ATRIP: variants seen among roughly 807,000 people sequenced by gnomAD.
ATRIP encodes ATR-interacting protein.
Under a neutral mutation model 78.1 loss-of-function variants are expected in ATRIP, and 44 were observed. The ratio of observed to expected loss-of-function variants is 0.56; its 90% CI spans 0.44 to 0.72. ATRIP has a LOEUF of 0.72. Among genes scored for constraint, ATRIP ranks in the 30% least tolerant of loss-of-function variants. The pLI is 0.00. For missense variants in ATRIP, 927 were observed against 980.2 expected (o/e 0.95, Z 0.72); for synonymous variants, 388 against 408.9 (o/e 0.95, Z 0.62).
intron 8 of ATRIP, among the ~76,000 whole-genome samples, chr3:48,462,660 G>A (rs1281526613): frequency 6.6e-6 from 1 of 151,934 alleles, no homozygotes; most frequent in Non-Finnish European, 1.5e-5. Flanking sequence ...CTGAGTTTGC[G>A]CCACTGCACT....
Position 48,461,207 on chromosome 3 carries a change from C to T in ATRIP, c.1745+408C>T, listed in dbSNP as rs747654. 0.046 allele frequency among the ~76,000 whole-genome samples: 6,942 copies of T among 152,250 alleles called. 1,240 individuals carry two copies. The East Asian group carries it at 0.55, about 12-fold the overall frequency. On this transcript the variant is annotated intron_variant, in intron 8 of 12. Transcript: ENST00000320211. ...GGATGTGGAGAGGGTCTGCAGCCCA[C>T]GGGCTGACCTTGCTGGGAGTCTCTG... is the stretch of plus-strand genomic sequence containing the variant.
chr3:48,455,900 C>T (rs2039944062), intron 4 of ATRIP, among the ~76,000 whole-genome samples: 1 of 151,970 alleles, frequency 6.6e-6, no homozygotes, highest in Non-Finnish European at 1.5e-5. Flanking sequence ...GCGGGCAGAT[C>T]ACTTGAGGTC....
intron 8 of ATRIP, among the ~76,000 whole-genome samples, chr3:48,461,148 C>G (rs111677957): frequency 6.6e-6 from 1 of 152,156 alleles, no homozygotes; most frequent in African/African-American, 2.4e-5. Context: ...ATCACAAGCA[C>G]GTTGAAGTTT....
rs770193197 is a variant in ATRIP, at chr3:48,466,711, TGGAG to T, written c.*1159_*1162del. 1 of 1,614,058 alleles carries T rather than the reference TGGAG, an allele frequency of 6.2e-7. No individual in the cohort carries two copies. Among genetic ancestry groups the T allele is most frequent in the Admixed American group, 1.7e-5 (1 of 60,020 alleles). On this transcript the variant is annotated 3_prime_UTR_variant, in exon 13 of 13. Coordinates refer to ENST00000320211, the MANE Select transcript of ATRIP (RefSeq NM_130384.3). Reference sequence around the variant, plus strand: ...ATGCAGACCCTCATCTTTTTCGACATGGAGGCCACTGGCTTGCCCTTCTCCCAGC... The same window carrying T: ...ATGCAGACCCTCATCTTTTTCGACATGCCACTGGCTTGCCCTTCTCCCAGC...
rs576033124 is a variant in ATRIP, at chr3:48,467,082, C to G, written c.*1528C>G. 1.9e-6 allele frequency: 3 copies of G among 1,614,008 alleles called. No individual in the cohort carries two copies. In the East Asian group the frequency reaches 6.7e-5, roughly 36 times the overall value. On this transcript the variant is annotated 3_prime_UTR_variant, in exon 13 of 13. Coordinates refer to ENST00000320211, the MANE Select transcript of ATRIP (RefSeq NM_130384.3). ...CCAAGCAGAGCTGGCTATGCTGGGC[C>G]TCACCAGTGCTCTGGATGGTGCCTT... is the stretch of plus-strand genomic sequence containing the variant.
chr3:48,448,543 TCCTTAACATGG>T (rs1030374344), intron 1 of ATRIP, among the ~76,000 whole-genome samples: 1 of 152,218 alleles, frequency 6.6e-6, no homozygotes, highest in Non-Finnish European at 1.5e-5. Context: ...AAGACCAGAA[TCCTTAACATGG>T]CCTGAAAGGC....
chr3:48,447,040 C>CAAGTGTAGAT lies in ATRIP; in HGVS notation c.195_196insAAGTGTAGAT (p.Leu66LysfsTer22). 6.3e-7 allele frequency: 1 copy of CAAGTGTAGAT among 1,578,448 alleles called. No individual in the cohort carries two copies. The highest frequency in any genetic ancestry group is 1.4e-5 in the African/African-American group (1 of 71,682). ...CCGACGACCTGGAGGAGCTTGACAC[C>CAAGTGTAGAT]CTCGCGTCACAGGCCCTGAGCCAAT... On this transcript the variant is annotated frameshift_variant, in exon 1 of 13. Coordinates refer to ENST00000320211, the MANE Select transcript of ATRIP (RefSeq NM_130384.3). LOFTEE classifies it high-confidence loss of function.
Position 48,460,143 on chromosome 3 carries a change from A to C in ATRIP, c.1089A>C (p.Thr363=), listed in dbSNP as rs765816483. ...CTGGAATGTCAGGCCTCAGGACCACAGGTTCTTATGATGGGTCATTTTCCC... is the reference window on the plus strand; with the variant it reads ...CTGGAATGTCAGGCCTCAGGACCACCGGTTCTTATGATGGGTCATTTTCCC... The part of the protein sequence containing the change: ...TLAGMSGLRT[T]GSYDGSFSLS... Residue 363 remains threonine (T), a synonymous_variant, in exon 8 of 13, where the codon ACA becomes ACC. Transcript: ENST00000320211. The C allele has an allele frequency of 1.2e-6, 2 of 1,613,480 alleles. No homozygotes were observed. Among genetic ancestry groups the C allele is most frequent in the South Asian group, 2.2e-5 (2 of 91,030 alleles).
chr3:48,446,881 G>A lies in ATRIP; in HGVS notation c.36G>A (p.Arg12=). The change falls in exon 1 of 13, where the codon CGG becomes CGA. Residue 12 remains arginine, a synonymous_variant. Coordinates refer to ENST00000320211, the MANE Select transcript of ATRIP (RefSeq NM_130384.3). The part of the protein sequence containing the change: ...AGTSAPGSKR[R]SEPPAPRPGP... Reference sequence around the variant, plus strand: ...CCTCCGCGCCAGGCAGCAAGAGGCGGAGCGAGCCCCCGGCGCCTCGCCCCG... The same window carrying A: ...CCTCCGCGCCAGGCAGCAAGAGGCGAAGCGAGCCCCCGGCGCCTCGCCCCG... 1 of 1,402,270 alleles carries A rather than the reference G, an allele frequency of 7.1e-7. No individual in the cohort carries two copies. The highest frequency in any genetic ancestry group is 9.3e-7 in the Non-Finnish European group (1 of 1,081,080). The allele number at this position is 1,402,270 out of a possible 1,614,324, so 86.9% of individuals were successfully genotyped here.
chr3:48,453,754 A>G (rs1230221657), intron 3 of ATRIP, among the ~76,000 whole-genome samples: 4 of 152,182 alleles, frequency 2.6e-5, no homozygotes, highest in Non-Finnish European at 5.9e-5. Flanking sequence ...ATAAAGGTCA[A>G]TATGTTACTG....
Position 48,457,382 on chromosome 3 carries a change from G to C in ATRIP, c.795G>C (p.Thr265=). ...ANMSLPHPCQ[T]ESGYKPLVGR... ...TGTCCCTTCCCCACCCCTGCCAGAC[G>C]GAGTCAGGATACAAGCCTCTGGTGG... Residue 265 remains threonine, a synonymous_variant, in exon 5 of 13, where the codon ACG becomes ACC. Transcript: ENST00000320211. 1.3e-6 allele frequency: 2 copies of C among 1,596,142 alleles called. No individual in the cohort carries two copies. Among genetic ancestry groups the C allele is most frequent in the South Asian group, 2.3e-5 (2 of 87,524 alleles).
intron 4 of ATRIP, among the ~76,000 whole-genome samples, chr3:48,456,229 G>T (rs540589127): frequency 9.9e-5 from 15 of 152,008 alleles, no homozygotes; most frequent in African/African-American, 2.7e-4. Flanking sequence ...ATTGCTTAAG[G>T]CTAGCAGTTC....
chr3:48,451,470 A>C (rs554797233), intron 2 of ATRIP, among the ~76,000 whole-genome samples: 1 of 152,332 alleles, frequency 6.6e-6, no homozygotes, highest in South Asian at 2.1e-4. Flanking sequence ...CAGCCTAAGC[A>C]ACCCCATCCC....
At chr3:48,461,607 G>A (rs969991864) in intron 8 of ATRIP, among the ~76,000 whole-genome samples, 1 of 152,238 alleles carries the variant, frequency 6.6e-6, no homozygotes, top group Middle Eastern at 3.2e-3. Context: ...GCACTGCAGT[G>A]TAGTGTGGGC....
Position 48,466,419 on chromosome 3 carries a change from C to A in ATRIP, c.*865C>A. ...GGGCCGAGTCATGTGAAGAGGGAGA[C>A]CCTCTCAGACAGTCGAATGTGCTGG... is the stretch of plus-strand genomic sequence containing the variant. On this transcript the variant is annotated 3_prime_UTR_variant, in exon 13 of 13. Coordinates refer to ENST00000320211, the MANE Select transcript of ATRIP (RefSeq NM_130384.3). 6.2e-7 allele frequency: 1 copy of A among 1,605,546 alleles called. No homozygotes were observed. The highest frequency in any genetic ancestry group is 1.3e-5 in the African/African-American group (1 of 74,828).
Position 48,463,823 on chromosome 3 carries a change from GCTC to G in ATRIP, c.1828_1830del (p.Leu610del). On this transcript the variant is annotated inframe_deletion, in exon 9 of 13. Coordinates refer to ENST00000320211, the MANE Select transcript of ATRIP (RefSeq NM_130384.3). The stretch of plus-strand genomic sequence containing the variant: ...TGCCTAGCGTGCTGCTGGCTGTTGA[GCTC>G]CTCTCCCTGCTGGCGGACCACGACC... The G allele has an allele frequency of 6.2e-7, 1 of 1,614,118 alleles. No homozygotes were observed. The highest frequency in any genetic ancestry group is 1.1e-5 in the South Asian group (1 of 91,080).
At chr3:48,448,002 G>C (rs1428827531) in intron 1 of ATRIP, among the ~76,000 whole-genome samples, 1 of 152,116 alleles carries the variant, frequency 6.6e-6, no homozygotes, top group Non-Finnish European at 1.5e-5. Context: ...CCAGCTGCCT[G>C]ATCTGTGTTA....
rs371036312 is a variant in ATRIP at position 48,466,285 on chromosome 3, A to ACTGC, written c.*748_*751dup. 6.0e-4 allele frequency: 402 copies of ACTGC among 668,030 alleles called. No individual in the cohort carries two copies. Among genetic ancestry groups the ACTGC allele is most frequent in the African/African-American group, 5.1e-3 (290 of 56,416 alleles). The allele number at this position is 668,030 out of a possible 1,614,324, so 41.4% of individuals were successfully genotyped here. A position where few individuals can be genotyped will look rare whatever the true frequency, so the allele number is the denominator to read the frequency against. On this transcript the variant is annotated 3_prime_UTR_variant, in exon 13 of 13. Transcript: ENST00000320211. ...CGGGAGAGTGTGCAGCCGAGTCACT[A>ACTGC]CTGCCTGCCTGCCTGCCTGCTACGG... is the stretch of plus-strand genomic sequence containing the variant.
At chr3:48,447,863 G>A (rs2039722146) in intron 1 of ATRIP, among the ~76,000 whole-genome samples, 1 of 152,176 alleles carries the variant, frequency 6.6e-6, no homozygotes, top group Non-Finnish European at 1.5e-5. Flanking sequence ...TAACTAGCAC[G>A]ACTCTCCATC....
Sources: allele counts gnomAD v4.1 joint callset (sites outside exome capture counted in the v4.1 genomes callset), GRCh38; gene constraint gnomAD v4.1.1; transcripts MANE v1.5; gene names NCBI Gene and HGNC (gene_info 2026-07-23, HGNC 2026-07-21).